CFAP69: variants seen among roughly 807,000 people sequenced by gnomAD.
CFAP69 encodes cilia- and flagella-associated protein 69.
CFAP69 carries 92 observed loss-of-function variants against 123.0 expected under a neutral mutation model. The ratio of observed to expected loss-of-function variants is 0.75; its 90% CI spans 0.63 to 0.89. CFAP69 has a LOEUF of 0.89. CFAP69 is among the 40% of genes least tolerant of loss of function. The pLI is 0.00. For missense variants in CFAP69, 1,067 were observed against 1,096.9 expected (o/e 0.97, Z 0.39); for synonymous variants, 380 against 364.3 (o/e 1.04, Z -0.49).
Position 90,271,903 on chromosome 7 carries a change from G to GA in CFAP69, c.810dup (p.Ser271IlefsTer11), listed in dbSNP as rs771439206. 1.2e-6 allele frequency: 2 copies of GA among 1,613,054 alleles called. No homozygotes were observed. Among genetic ancestry groups the GA allele is most frequent in the East Asian group, 2.2e-5 (1 of 44,846 alleles). ...ATCAGAAATACTTTGGAACTTGCTG[G>GA]AAAAATCTTCAAAAGAAGAAGTCAT... On this transcript the variant is annotated frameshift_variant, in exon 8 of 23. Transcript: ENST00000389297. LOFTEE classifies it high-confidence loss of function.
chr7:90,287,708 G>T (rs1213924207), intron 14 of CFAP69: 2 of 985,374 alleles, frequency 2.0e-6, no homozygotes, highest in Non-Finnish European at 2.4e-6. Flanking sequence ...TCATAATCTT[G>T]CTTACTGGGA....
At chr7:90,297,629 A>T in intron 15 of CFAP69, 120 bp from the exon 16 acceptor site, 1 of 597,494 alleles carries the variant, frequency 1.7e-6, no homozygotes, top group Non-Finnish European at 2.8e-6. Context: ...AACATTAGCT[A>T]CTTGATTTAA....
At chr7:90,275,578 C>A (rs1348288908) in intron 9 of CFAP69, among the ~76,000 whole-genome samples, 4 of 140,444 alleles carry the variant, frequency 2.8e-5, no homozygotes, top group Non-Finnish European at 6.1e-5. Context: ...GGCCTGCTCT[C>A]AGGCCAAAAG....
intron 4 of CFAP69, among the ~76,000 whole-genome samples, chr7:90,264,104 A>AAAAAAAAAAAAAAATAT (rs1554354285): frequency 2.0e-5 from 1 of 48,890 alleles, no homozygotes; most frequent in African/African-American, 7.2e-5. Context: ...AAAAAAAAAA[A>AAAAAAAAAAAAAAATAT]ATATATATAT....
rs145444947 is a variant in CFAP69, at chr7:90,253,075, C to T, written c.121-2348C>T. ...ATGATAGGAATAAGTAGGATTTTTT[C>T]GCTTTTGTTTGTATCATCATTACAT... On this transcript the variant is annotated intron_variant, in intron 1 of 22. Transcript: ENST00000389297. Among the ~76,000 whole-genome samples the T allele has an allele frequency of 2.0e-3, 311 of 152,138 alleles. 1 individual carries two copies. The highest frequency in any genetic ancestry group is 6.8e-3 in the African/African-American group (281 of 41,526).
At chr7:90,250,402 T>C (rs973748265) in intron 1 of CFAP69, among the ~76,000 whole-genome samples, 9 of 152,198 alleles carry the variant, frequency 5.9e-5, no homozygotes, top group African/African-American at 2.2e-4. Context: ...GTGCTACCTT[T>C]ACTTGGTAGA....
rs141384583 is a variant in CFAP69 at position 90,287,368 on chromosome 7, A to G, written c.1657-866A>G. ...AATTGATGTATCATAAAGTAGGTGT[A>G]TCTTTATAAGAAACTGCCAAACAGT... On this transcript the variant is annotated intron_variant, in intron 14 of 22. Coordinates refer to ENST00000389297, the MANE Select transcript of CFAP69 (RefSeq NM_001039706.3). 1,576 of 296,264 alleles carry G rather than the reference A, an allele frequency of 5.3e-3. 6 individuals carry two copies. The highest frequency in any genetic ancestry group is 7.5e-3 in the Admixed American group (116 of 15,432). The allele number at this position is 296,264 out of a possible 1,614,324, so 18.4% of individuals were successfully genotyped here. A position where few individuals can be genotyped will look rare whatever the true frequency, so the allele number is the denominator to read the frequency against.
At chr7:90,267,432 C>T (rs1224368777) in intron 5 of CFAP69, among the ~76,000 whole-genome samples, 1 of 152,142 alleles carries the variant, frequency 6.6e-6, no homozygotes, top group Non-Finnish European at 1.5e-5. Context: ...CTTGGGCATT[C>T]AGAGAACCTG....
Position 90,284,256 on chromosome 7 carries a change from C to A in CFAP69, c.1537+1200C>A, listed in dbSNP as rs17868719. Among the ~76,000 whole-genome samples, 1,283 of 152,114 alleles carry A rather than the reference C, an allele frequency of 8.4e-3. 9 individuals are homozygous for A. Among genetic ancestry groups the A allele is most frequent in the Middle Eastern group, 0.061 (18 of 294 alleles). Reference sequence around the variant, plus strand: ...CCTTGTCTTATTGAGTCTAACATGGCTGTGTAGTAGTAACGTGCTCAATAA... The same window carrying A: ...CCTTGTCTTATTGAGTCTAACATGGATGTGTAGTAGTAACGTGCTCAATAA... On this transcript the variant is annotated intron_variant, in intron 13 of 22. Coordinates refer to ENST00000389297, the MANE Select transcript of CFAP69 (RefSeq NM_001039706.3).
At chr7:90,287,592 G>T (rs1251466392) in intron 14 of CFAP69, 48 of 985,118 alleles carry the variant, frequency 4.9e-5, no homozygotes, top group Non-Finnish European at 5.8e-5. Context: ...AAAAAATGAT[G>T]GTTTCAATAG....
rs555346413 is a variant in CFAP69, at chr7:90,308,590, A to G, written c.2551-673A>G. Among the ~76,000 whole-genome samples the G allele has an allele frequency of 6.4e-4, 98 of 152,316 alleles. 1 individual carries two copies. Among genetic ancestry groups the G allele is most frequent in the South Asian group, 1.2e-3 (6 of 4,832 alleles). ...AGTTAGTCCACAAGACGGTGGAACCATATTAAGATAGCAAAACCAAATTTA... is the reference window on the plus strand; with the variant it reads ...AGTTAGTCCACAAGACGGTGGAACCGTATTAAGATAGCAAAACCAAATTTA... On this transcript the variant is annotated intron_variant, in intron 21 of 22. Coordinates refer to ENST00000389297, the MANE Select transcript of CFAP69 (RefSeq NM_001039706.3).
At position 90,297,761 on chromosome 7, in the gene CFAP69, G is replaced by T; in HGVS notation, c.1788G>T (p.Leu596Phe). 2 of 1,569,324 alleles carry T rather than the reference G, an allele frequency of 1.3e-6. No homozygotes were observed. The highest frequency in any genetic ancestry group is 2.1e-5 in the Admixed American group (1 of 47,870). Residue 596 changes from leucine to phenylalanine, a missense_variant, in exon 16 of 23, where the codon TTG (leucine) becomes TTT (phenylalanine). Coordinates refer to ENST00000389297, the MANE Select transcript of CFAP69 (RefSeq NM_001039706.3). ...CTTTTAATTTAAGGTGCTGTATTTTGGGATGTTATCCCTCAGAGGATTATT... is the reference window on the plus strand; with the variant it reads ...CTTTTAATTTAAGGTGCTGTATTTTTGGATGTTATCCCTCAGAGGATTATT... The part of the protein sequence containing the change: ...STLDSIWCCI[L>F]GCYPSEDYFL...
intron 11 of CFAP69, among the ~76,000 whole-genome samples, chr7:90,278,708 A>T (rs1260667634): frequency 2.6e-5 from 4 of 152,132 alleles, no homozygotes; most frequent in Non-Finnish European, 5.9e-5. Flanking sequence ...AACAATTTTT[A>T]TGTGTCACAT....
chr7:90,300,384 T>A (rs988844168), intron 17 of CFAP69: 20 of 877,458 alleles, frequency 2.3e-5, no homozygotes, highest in Non-Finnish European at 2.6e-5. Context: ...TTCATTGAGA[T>A]GTAAATAGAT....
At chr7:90,290,037 T>G (rs1357826183) in intron 15 of CFAP69, among the ~76,000 whole-genome samples, 1 of 152,130 alleles carries the variant, frequency 6.6e-6, no homozygotes, top group African/African-American at 2.4e-5. Context: ...TCTGGTAGAG[T>G]AAGTCTTTCT....
Position 90,307,472 on chromosome 7 carries a change from T to C in CFAP69, c.2464-296T>C, listed in dbSNP as rs144760927. Among the ~76,000 whole-genome samples the C allele has an allele frequency of 1.2e-3, 178 of 152,300 alleles. No homozygotes were observed. The East Asian group carries it at 0.017, about 15-fold the overall frequency. Reference sequence around the variant, plus strand: ...CCCAGATGAAGTTATCCATAAGATATATTTTTCTTACTTGTGGGTGTTTCA... The same window carrying C: ...CCCAGATGAAGTTATCCATAAGATACATTTTTCTTACTTGTGGGTGTTTCA... On this transcript the variant is annotated intron_variant, in intron 20 of 22. Transcript: ENST00000389297.
intron 14 of CFAP69, chr7:90,287,836 G>A (rs1300386493): frequency 2.6e-6 from 2 of 779,860 alleles, no homozygotes; most frequent in Admixed American, 6.1e-5. Flanking sequence ...TATTTCTCTC[G>A]GGGTCATTAG....
intron 17 of CFAP69, chr7:90,302,982 T>C (rs868583771): frequency 3.9e-5 from 6 of 152,210 alleles, no homozygotes; most frequent in Admixed American, 2.0e-4. Flanking sequence ...TTGTGTCATC[T>C]CTGATTTCTT....
chr7:90,319,799 T>A, the CFAP69 span: 2 of 398,138 alleles, frequency 5.0e-6, no homozygotes, highest in African/African-American at 4.1e-5. Context: ...TTAAAAAAGT[T>A]ATTCAATCAC....
Sources: gnomAD v4.1 joint callset for allele counts (sites outside exome capture counted in the v4.1 genomes callset) on GRCh38, gnomAD v4.1.1 for gene constraint, MANE v1.5 for transcripts, NCBI Gene and HGNC (gene_info 2026-07-23, HGNC 2026-07-21) for gene names.